The following SHOC1 variants were observed in gnomAD, a reference collection of about 807,000 sequenced individuals.
SHOC1 encodes shortage in chiasmata 1, also known as protein shortage in chiasmata 1 ortholog.
SHOC1 carries 136 observed loss-of-function variants against 179.2 expected under a neutral mutation model. The ratio of observed to expected loss-of-function variants is 0.76; its 90% confidence interval spans 0.66 to 0.87. The LOEUF (loss-of-function observed/expected upper bound fraction) is 0.87, where lower values mean the gene tolerates loss of function less well. Among genes scored for constraint, SHOC1 ranks in the 40% least tolerant of loss-of-function variants. SHOC1 has a pLI of 0.00. For missense variants in SHOC1, 1,538 were observed against 1,700.8 expected, an observed-to-expected ratio of 0.90 and a Z score of 1.68; for synonymous variants, 489 against 586.6, an observed-to-expected ratio of 0.83 and a Z score of 2.41.
At chr9:111,717,747 T>C (rs1015996372) in intron 16 of SHOC1, among the ~76,000 whole-genome samples, 3 of 152,190 alleles carry the variant, frequency 2.0e-5, no homozygotes, top group Non-Finnish European at 4.4e-5. Flanking sequence ...ATTACCCAAG[T>C]AATTCATATA....
chr9:111,728,542 G>A (rs1833416114), intron 12 of SHOC1, among the ~76,000 whole-genome samples: 1 of 152,130 alleles, frequency 6.6e-6, no homozygotes, highest in African/African-American at 2.4e-5. Context: ...CTACAAAATA[G>A]ACGAATCTTG....
rs531904263 is a variant in SHOC1 at position 111,703,112 on chromosome 9, A to AAAAC, written c.2967+765_2967+768dup. Among the ~76,000 whole-genome samples the AAAAC allele has an allele frequency of 1.1e-3, 172 of 152,254 alleles. 2 individuals carry two copies. In the Middle Eastern group the frequency reaches 0.017, roughly 15 times the overall value. On this transcript the variant is annotated intron_variant, in intron 22 of 27. Transcript: ENST00000682961. ...GCAATGGTGTGAGACCCTATCTCTA[A>AAAAC]AAACAAACAAACAAACAAACAGTTG...
intron 5 of SHOC1, chr9:111,759,532 C>G: frequency 8.5e-7 from 1 of 1,179,976 alleles, no homozygotes; most frequent in Non-Finnish European, 1.0e-6. Context: ...GGCTAGCTGT[C>G]TAACAGCTTT....
intron 22 of SHOC1, 141 bp downstream of exon 22, chr9:111,703,740 G>T (rs1034698827): frequency 2.1e-6 from 1 of 465,548 alleles, no homozygotes; most frequent in Admixed American, 3.9e-5. Context: ...CCACAGTGAC[G>T]ATTTTAGCAC....
chr9:111,776,229 G>A (rs1835828232), intron 4 of SHOC1, among the ~76,000 whole-genome samples: 1 of 151,930 alleles, frequency 6.6e-6, no homozygotes, highest in Admixed American at 6.6e-5. Flanking sequence ...AATGAAGAAT[G>A]AACACATTTA....
chr9:111,710,590 C>G (rs1438322465), intron 18 of SHOC1, among the ~76,000 whole-genome samples: 1 of 151,992 alleles, frequency 6.6e-6, no homozygotes, highest in Non-Finnish European at 1.5e-5. Context: ...CTGAATCCCC[C>G]AAAAGCAGAC....
intron 10 of SHOC1, among the ~76,000 whole-genome samples, chr9:111,745,961 TCTC>T (rs1332038430): frequency 1.3e-5 from 2 of 152,144 alleles, no homozygotes; most frequent in African/African-American, 4.8e-5. Context: ...CTGTGAAAAA[TCTC>T]CTACACACAT....
intron 21 of SHOC1, 79 bp downstream of exon 21, chr9:111,705,168 T>G (rs4993590): frequency 2.0e-6 from 1 of 509,010 alleles, no homozygotes; most frequent in Non-Finnish European, 3.4e-6. Flanking sequence ...TCAGAATATA[T>G]ATACACACAC....
intron 3 of SHOC1, chr9:111,783,522 TC>T (rs1168512127): frequency 6.6e-6 from 1 of 152,244 alleles, no homozygotes; most frequent in African/African-American, 2.4e-5. Flanking sequence ...CATTTGATTT[TC>T]CTATCTCGCT....
intron 27 of SHOC1, 60 bp from the exon 28 acceptor site, chr9:111,686,930 T>C: frequency 1.8e-6 from 2 of 1,085,834 alleles, no homozygotes; most frequent in Non-Finnish European, 2.6e-6. Flanking sequence ...GTATAGGTTT[T>C]TTCTTTTCCT....
intron 2 of SHOC1, among the ~76,000 whole-genome samples, chr9:111,789,596 CATA>C (rs1340713828): frequency 6.6e-6 from 1 of 152,124 alleles, no homozygotes; most frequent in Non-Finnish European, 1.5e-5. Context: ...GCATGAACTT[CATA>C]ATATCTTTAC....
At chr9:111,705,166 TATATACAC>T (rs1832192147) in intron 21 of SHOC1, 73 bp downstream of exon 21, 4 of 392,686 alleles carry the variant, frequency 1.0e-5, no homozygotes, top group Non-Finnish European at 1.3e-5. Context: ...TATCAGAATA[TATATACAC>T]ACACACACAC....
At chr9:111,764,999 G>A (rs147090716) in intron 5 of SHOC1, among the ~76,000 whole-genome samples, 2 of 152,132 alleles carry the variant, frequency 1.3e-5, no homozygotes, top group South Asian at 2.1e-4. Flanking sequence ...AAATTAGCTG[G>A]ACATGGTGGC....
At chr9:111,787,297 T>C (rs931688024) in intron 2 of SHOC1, among the ~76,000 whole-genome samples, 1 of 152,220 alleles carries the variant, frequency 6.6e-6, no homozygotes, top group African/African-American at 2.4e-5. Context: ...ATTCCTCTGA[T>C]AGATCTAGGC....
At chr9:111,688,359 A>G (rs1311053118) in intron 27 of SHOC1, among the ~76,000 whole-genome samples, 2 of 152,204 alleles carry the variant, frequency 1.3e-5, no homozygotes, top group Admixed American at 1.3e-4. Context: ...CCAATTTATT[A>G]TCCATATATT....
At chr9:111,721,306 C>T (rs936374842) in intron 15 of SHOC1, among the ~76,000 whole-genome samples, 2 of 152,104 alleles carry the variant, frequency 1.3e-5, no homozygotes, top group Non-Finnish European at 2.9e-5. Flanking sequence ...TCTCCAACTC[C>T]AGGTAGTTTC....
rs1333354937 is a variant in SHOC1 at position 111,703,894 on chromosome 9, G to A, written c.2954C>T (p.Ala985Val). The A allele has an allele frequency of 1.3e-6, 2 of 1,587,730 alleles. No homozygotes were observed. The highest frequency in any genetic ancestry group is 1.7e-6 in the Non-Finnish European group (2 of 1,160,446). ...YVVVTIDEHT[A>V]IILQDLEELN... ...ACCTAGTTTTACCTGCAAAATTATG[G>A]CAGTGTGTTCATCAATTGTCACCAC... The change falls in exon 22 of 28, where the codon GCC becomes GTC. Residue 985 changes from alanine to valine, a missense_variant. Physicochemically the swap from Ala to Val is moderately conservative, Grantham distance 64. Transcript: ENST00000682961.
chr9:111,724,709 A>G (rs1833220875), intron 13 of SHOC1, among the ~76,000 whole-genome samples: 1 of 152,020 alleles, frequency 6.6e-6, no homozygotes, highest in African/African-American at 2.4e-5. Flanking sequence ...AAAAAGTCAT[A>G]TATAACTGCC....
rs1425556124 is a variant in SHOC1, at chr9:111,794,918, C to T, written c.-55G>A. The T allele has an allele frequency of 6.5e-6, 1 of 153,054 alleles. No homozygotes were observed. The highest frequency in any genetic ancestry group is 1.5e-5 in the Non-Finnish European group (1 of 68,748). The allele number at this position is 153,054 out of a possible 1,614,324, so 9.5% of individuals were successfully genotyped here. A position where few individuals can be genotyped will look rare whatever the true frequency, so the allele number is the denominator to read the frequency against. On this transcript the variant is annotated 5_prime_UTR_variant, in exon 1 of 28. Transcript: ENST00000682961. Reference sequence around the variant, plus strand: ...CTCTTACCTGAGGTAAAAATCGCCTCCTGCATCTCTTCCTGGGGTAAAATT... The same window carrying T: ...CTCTTACCTGAGGTAAAAATCGCCTTCTGCATCTCTTCCTGGGGTAAAATT...
Sources: gnomAD v4.1 joint callset for allele counts (sites outside exome capture counted in the v4.1 genomes callset) on GRCh38, gnomAD v4.1.1 for gene constraint, MANE v1.5 for transcripts, NCBI Gene and HGNC (gene_info 2026-07-23, HGNC 2026-07-21) for gene names.